Variants in ACTR3C observed in about 807,000 individuals in gnomAD.
ACTR3C encodes actin-related protein 3C.
In ACTR3C, 18 loss-of-function variants were observed where a neutral mutation model predicts 26.3. That is an observed-to-expected ratio of 0.68 (90% CI 0.47 to 1.01). The LOEUF is 1.01. ACTR3C is among the 50% of genes least tolerant of loss of function. The pLI is 0.00. For missense variants in ACTR3C, 184 were observed against 250.7 expected (o/e 0.73, Z 1.80); for synonymous variants, 55 against 94.5 (o/e 0.58, Z 2.42).
the ACTR3C span, among the ~76,000 whole-genome samples, chr7:150,042,763 A>C: frequency 2.6e-4 from 39 of 149,846 alleles, 1 homozygote; most frequent in African/African-American, 6.6e-4. Flanking sequence ...TCCTTTAGAA[A>C]CCTGTCTAGT....
chr7:149,883,982 G>A, the ACTR3C span, among the ~76,000 whole-genome samples: 2 of 97,560 alleles, frequency 2.1e-5, no homozygotes, highest in Non-Finnish European at 4.4e-5. Flanking sequence ...GACGCCACAG[G>A]TTTTTAGTGG....
the ACTR3C span, among the ~76,000 whole-genome samples, chr7:150,169,329 G>C: frequency 1.4e-5 from 2 of 143,538 alleles, no homozygotes; most frequent in Non-Finnish European, 3.0e-5. Context: ...CTTGTAGTGA[G>C]CCAAGATCTC....
the ACTR3C span, among the ~76,000 whole-genome samples, chr7:150,026,813 A>G: frequency 1.3e-5 from 2 of 152,290 alleles, no homozygotes; most frequent in African/African-American, 2.4e-5. Context: ...CAGCATGTAT[A>G]TTAGAGGCAA....
the ACTR3C span, among the ~76,000 whole-genome samples, chr7:150,134,392 CTT>C: frequency 6.6e-6 from 1 of 152,228 alleles, no homozygotes; most frequent in Admixed American, 6.5e-5. Flanking sequence ...CCTTCTCTCT[CTT>C]TCACCACTGA....
At chr7:150,054,546 A>G in the ACTR3C span, among the ~76,000 whole-genome samples, 10 of 152,380 alleles carry the variant, frequency 6.6e-5, no homozygotes, top group South Asian at 1.5e-3. Context: ...GAAGACCTCA[A>G]TACAACCCAC....
At chr7:150,016,086 A>G in the ACTR3C span, among the ~76,000 whole-genome samples, 14,004 of 146,788 alleles carry the variant, frequency 0.095, 1,513 homozygotes, top group African/African-American at 0.28. Context: ...TACCAAGCAC[A>G]CTCATCCCCC....
At chr7:150,116,518 T>C in the ACTR3C span, among the ~76,000 whole-genome samples, 2 of 152,384 alleles carry the variant, frequency 1.3e-5, no homozygotes, top group South Asian at 4.1e-4. Flanking sequence ...TAAAGGTTTC[T>C]TGAACTTTTA....
chr7:150,149,772 G>C, the ACTR3C span, among the ~76,000 whole-genome samples: 1 of 152,060 alleles, frequency 6.6e-6, no homozygotes, highest in South Asian at 2.1e-4. Flanking sequence ...TGTGCAGTTT[G>C]TGATGTTTGT....
the ACTR3C span, among the ~76,000 whole-genome samples, chr7:150,205,455 A>G: frequency 1.3e-5 from 2 of 152,350 alleles, no homozygotes; most frequent in East Asian, 3.9e-4. Flanking sequence ...CTGAGCTCTT[A>G]TCTCTCCCAA....
chr7:149,921,151 A>G, the ACTR3C span, among the ~76,000 whole-genome samples: 1 of 152,228 alleles, frequency 6.6e-6, no homozygotes, highest in Non-Finnish European at 1.5e-5. Flanking sequence ...TTAATATTAT[A>G]TGATCTTTCA....
chr7:150,299,488 A>AAAAAAAC (rs1563196690), intron 1 of ACTR3C, among the ~76,000 whole-genome samples: 2 of 144,250 alleles, frequency 1.4e-5, no homozygotes, highest in South Asian at 2.1e-4. Flanking sequence ...AAAAAAAAAA[A>AAAAAAAC]AAAAAACAAA....
chr7:150,265,258 G>A (rs867735317), intron 6 of ACTR3C, among the ~76,000 whole-genome samples: 5 of 151,552 alleles, frequency 3.3e-5, no homozygotes, highest in East Asian at 1.9e-4. Context: ...TCAAATAAAC[G>A]TAAGCCTAAC....
chr7:150,206,240 G>C, the ACTR3C span, among the ~76,000 whole-genome samples: 1 of 152,072 alleles, frequency 6.6e-6, no homozygotes, highest in Non-Finnish European at 1.5e-5. Context: ...AATTCTCATT[G>C]TAATCTCTAT....
chr7:149,972,447 C>T, the ACTR3C span, among the ~76,000 whole-genome samples: 3 of 152,244 alleles, frequency 2.0e-5, no homozygotes, highest in African/African-American at 4.8e-5. Flanking sequence ...TCCCACAGTG[C>T]TGGTGCAGGC....
chr7:150,091,023 G>A, the ACTR3C span, among the ~76,000 whole-genome samples: 5 of 151,828 alleles, frequency 3.3e-5, no homozygotes. Context: ...AGGAATTAAT[G>A]AGCTGGTATC....
At chr7:150,034,032 AG>A in the ACTR3C span, among the ~76,000 whole-genome samples, 37 of 150,936 alleles carry the variant, frequency 2.5e-4, no homozygotes, top group African/African-American at 8.5e-4. Flanking sequence ...CCCAAGAGCC[AG>A]GGGGGGAAGA....
At chr7:150,109,482 T>A in the ACTR3C span, among the ~76,000 whole-genome samples, 1 of 151,958 alleles carries the variant, frequency 6.6e-6, no homozygotes, top group African/African-American at 2.4e-5. Flanking sequence ...CTTCAAATGC[T>A]GTGAGCTATC....
At chr7:150,308,630 C>G (rs770714350) in intron 1 of ACTR3C, among the ~76,000 whole-genome samples, 1 of 152,036 alleles carries the variant, frequency 6.6e-6, no homozygotes, top group Non-Finnish European at 1.5e-5. Context: ...TCTGCAGACC[C>G]CTCTGACCTC....
downstream of ACTR3C, chr7:150,245,640 G>A (rs1584813992): frequency 6.6e-6 from 1 of 152,112 alleles, no homozygotes. Flanking sequence ...AGCTATTGGT[G>A]AGTGTGAGCA....
Sources: gnomAD v4.1 joint callset for allele counts (sites outside exome capture counted in the v4.1 genomes callset) on GRCh38, gnomAD v4.1.1 for gene constraint, MANE v1.5 for transcripts, NCBI Gene and HGNC (gene_info 2026-07-23, HGNC 2026-07-21) for gene names.